Variants in PCDH9 observed in about 807,000 individuals in gnomAD.
PCDH9 encodes protocadherin 9, also known as protocadherin-9.
A neutral mutation model predicts 70.6 loss-of-function variants in PCDH9; 24 were observed. That is an observed-to-expected ratio of 0.34 (90% CI 0.25 to 0.48). The LOEUF (loss-of-function observed/expected upper bound fraction) is 0.48. Among genes scored for constraint, PCDH9 ranks in the 20% least tolerant of loss-of-function variants. The pLI is 0.99. For missense variants in PCDH9, 1,281 were observed against 1,503.6 expected, an observed-to-expected ratio of 0.85 and a Z score of 2.45; for synonymous variants, 562 against 558.5, an observed-to-expected ratio of 1.01 and a Z score of -0.09.
chr13:67,097,532 G>C (rs2138229518), intron 2 of PCDH9, among the ~76,000 whole-genome samples: 1 of 152,162 alleles, frequency 6.6e-6, no homozygotes, highest in African/African-American at 2.4e-5. Context: ...AGAAACAAGG[G>C]ACAAATTATG....
chr13:66,415,140 T>C (rs918052122), intron 4 of PCDH9, among the ~76,000 whole-genome samples: 8 of 152,102 alleles, frequency 5.3e-5, no homozygotes, highest in African/African-American at 1.7e-4. Context: ...ATTTTAGATA[T>C]TAATTTTAAA....
At chr13:66,953,021 G>A (rs554804128) in intron 2 of PCDH9, among the ~76,000 whole-genome samples, 1 of 151,444 alleles carries the variant, frequency 6.6e-6, no homozygotes, top group South Asian at 2.1e-4. Flanking sequence ...TTGTAAAATG[G>A]ACTGTAGTAT....
At chr13:66,495,573 AATAAATAC>A (rs1959102639) in intron 4 of PCDH9, among the ~76,000 whole-genome samples, 4 of 151,016 alleles carry the variant, frequency 2.6e-5, no homozygotes, top group African/African-American at 9.7e-5. Flanking sequence ...TTACTTGCAA[AATAAATAC>A]ATACATACAT....
intron 4 of PCDH9, among the ~76,000 whole-genome samples, chr13:66,404,926 C>T (rs1957253894): frequency 2.0e-5 from 3 of 151,970 alleles, no homozygotes; most frequent in African/African-American, 7.3e-5. Context: ...ATTCATAATC[C>T]ATCCTCTTTC....
At chr13:66,580,130 A>G (rs1216620341) in intron 4 of PCDH9, among the ~76,000 whole-genome samples, 1 of 152,068 alleles carries the variant, frequency 6.6e-6, no homozygotes, top group Non-Finnish European at 1.5e-5. Context: ...ATTTTAATTA[A>G]AAGTTAATAA....
chr13:66,935,627 AT>A (rs894560572), intron 2 of PCDH9, among the ~76,000 whole-genome samples: 2 of 152,156 alleles, frequency 1.3e-5, no homozygotes, highest in African/African-American at 4.8e-5. Context: ...GTGGAAGTGC[AT>A]TTTTTTATTA....
chr13:66,469,706 A>G (rs528527630), intron 4 of PCDH9, among the ~76,000 whole-genome samples: 2 of 152,244 alleles, frequency 1.3e-5, no homozygotes, highest in South Asian at 2.1e-4. Flanking sequence ...AAATGTGTCA[A>G]TTCTGGTATC....
intron 2 of PCDH9, among the ~76,000 whole-genome samples, chr13:66,981,916 A>G (rs2139774943): frequency 6.6e-6 from 1 of 152,334 alleles, no homozygotes; most frequent in South Asian, 2.1e-4. Context: ...AGTAACACAA[A>G]TATAAAATTA....
At chr13:66,807,980 T>C (rs2080437829) in intron 3 of PCDH9, among the ~76,000 whole-genome samples, 1 of 152,064 alleles carries the variant, frequency 6.6e-6, no homozygotes, top group East Asian at 1.9e-4. Flanking sequence ...TGGGGGTAGA[T>C]GGAGGAGAGT....
At chr13:66,767,361 G>A (rs536086328) in intron 3 of PCDH9, among the ~76,000 whole-genome samples, 1 of 152,076 alleles carries the variant, frequency 6.6e-6, no homozygotes, top group Non-Finnish European at 1.5e-5. Flanking sequence ...GCAATATCCT[G>A]GCGATTTACT....
chr13:66,405,557 C>T (rs554948925), intron 4 of PCDH9, among the ~76,000 whole-genome samples: 1 of 152,190 alleles, frequency 6.6e-6, no homozygotes, highest in African/African-American at 2.4e-5. Flanking sequence ...GGAGAAGGTG[C>T]CAAATACTCA....
intron 3 of PCDH9, among the ~76,000 whole-genome samples, chr13:66,855,363 G>A (rs1298546357): frequency 6.6e-6 from 1 of 152,020 alleles, no homozygotes; most frequent in East Asian, 1.9e-4. Flanking sequence ...ATTACGGATT[G>A]CTGTGTTGTA....
intron 3 of PCDH9, among the ~76,000 whole-genome samples, chr13:66,694,409 C>T (rs770343561): frequency 2.8e-4 from 43 of 152,146 alleles, no homozygotes; most frequent in Non-Finnish European, 4.9e-4. Flanking sequence ...GTTGCATTTA[C>T]TCCTCAAGAG....
At chr13:66,626,125 A>C (rs1043682938) in intron 4 of PCDH9, among the ~76,000 whole-genome samples, 1 of 152,164 alleles carries the variant, frequency 6.6e-6, no homozygotes, top group Non-Finnish European at 1.5e-5. Flanking sequence ...GAGGAAAAAA[A>C]TATCAAGAAA....
At chr13:66,608,593 A>C (rs2077251295) in intron 4 of PCDH9, among the ~76,000 whole-genome samples, 1 of 151,914 alleles carries the variant, frequency 6.6e-6, no homozygotes. Flanking sequence ...AGTGCTAGGA[A>C]AGAGGCAAAG....
intron 4 of PCDH9, among the ~76,000 whole-genome samples, chr13:66,400,685 A>G (rs1957170194): frequency 6.6e-6 from 1 of 152,252 alleles, no homozygotes; most frequent in African/African-American, 2.4e-5. Flanking sequence ...GATTGGAATT[A>G]ATAAAGGATG....
At chr13:66,679,876 C>A (rs978241324) in intron 3 of PCDH9, among the ~76,000 whole-genome samples, 1 of 151,904 alleles carries the variant, frequency 6.6e-6, no homozygotes. Context: ...ATTAGATAAT[C>A]TTTTGAAAAT....
At chr13:66,523,962 A>G (rs1337081770) in intron 4 of PCDH9, among the ~76,000 whole-genome samples, 2 of 152,054 alleles carry the variant, frequency 1.3e-5, no homozygotes, top group East Asian at 3.9e-4. Flanking sequence ...CATGATCGAT[A>G]TTCAGAGGTA....
chr13:66,610,241 G>GA (rs1356504744), intron 4 of PCDH9, among the ~76,000 whole-genome samples: 2 of 151,728 alleles, frequency 1.3e-5, no homozygotes, highest in Non-Finnish European at 2.9e-5. Flanking sequence ...GGGTAAGGGG[G>GA]AAAAAAGAGA....
Sources: allele counts gnomAD v4.1 joint callset (sites outside exome capture counted in the v4.1 genomes callset), GRCh38; gene constraint gnomAD v4.1.1; transcripts MANE v1.5; gene names NCBI Gene and HGNC (gene_info 2026-07-23, HGNC 2026-07-21).